RPRD2: variants seen among roughly 807,000 people sequenced by gnomAD.
RPRD2 encodes the protein regulation of nuclear pre-mRNA domain-containing protein 2.
A neutral mutation model predicts 104.4 loss-of-function variants in RPRD2; 12 were observed. The observed-to-expected ratio is 0.11, with a 90% CI of 0.07 to 0.19. The LOEUF (loss-of-function observed/expected upper bound fraction) is 0.19. Among genes scored for constraint, RPRD2 ranks in the 10% least tolerant of loss-of-function variants. The pLI is 1.00. For synonymous variants in RPRD2, 714 were observed against 684.9 expected (o/e 1.04, Z -0.66); for missense variants, 1,543 against 1,790.1 (o/e 0.86, Z 2.49).
At chr1:150,462,651 G>C (rs1290183692) in intron 9 of RPRD2, among the ~76,000 whole-genome samples, 1 of 152,006 alleles carries the variant, frequency 6.6e-6, no homozygotes, top group Non-Finnish European at 1.5e-5. Flanking sequence ...CCGCCTCCCA[G>C]GTCACGCCAT....
In RPRD2 at chr1:150,472,859, T is replaced by C. The variant is rs1413578867; in HGVS notation, c.3911T>C (p.Val1304Ala). 1 of 1,612,502 alleles carries C rather than the reference T, an allele frequency of 6.2e-7. No individual in the cohort carries two copies. The highest frequency in any genetic ancestry group is 1.7e-5 in the Admixed American group (1 of 59,734). Reference sequence around the variant, plus strand: ...CCACCCCCTGTTGACCACTCTGGAGTTGTACCCTTCCCAGCCCCACCACTG... The same window carrying C: ...CCACCCCCTGTTGACCACTCTGGAGCTGTACCCTTCCCAGCCCCACCACTG... ...PPPPPVDHSG[V>A]VPFPAPPLAE... The change falls in exon 11 of 11, where the codon GTT (valine) becomes GCT (alanine). Residue 1304 changes from valine to alanine, a missense_variant. Around this residue, in one of 4 missense-constraint regions of RPRD2, gnomAD observed 880 missense variants for 885.6 expected, o/e 0.99. Coordinates refer to ENST00000369068, the MANE Select transcript of RPRD2 (RefSeq NM_015203.5).
At chr1:150,375,252 T>G (rs370545947) in intron 1 of RPRD2, among the ~76,000 whole-genome samples, 13 of 152,222 alleles carry the variant, frequency 8.5e-5, no homozygotes, top group African/African-American at 3.1e-4. Flanking sequence ...TAGGTGGGTT[T>G]GAAGCAATAT....
intron 1 of RPRD2, among the ~76,000 whole-genome samples, chr1:150,368,526 C>T (rs1007446626): frequency 3.4e-5 from 5 of 146,008 alleles, no homozygotes; most frequent in African/African-American, 7.7e-5. Context: ...TATAATGGCA[C>T]GATCTCAGCT....
chr1:150,402,149 G>A (rs371605922), intron 1 of RPRD2, among the ~76,000 whole-genome samples: 2 of 151,894 alleles, frequency 1.3e-5, no homozygotes, highest in African/African-American at 2.4e-5. Context: ...TAGTAGAGAC[G>A]GGGTTTCACC....
chr1:150,388,709 C>T (rs1033908726), intron 1 of RPRD2, among the ~76,000 whole-genome samples: 4 of 150,762 alleles, frequency 2.7e-5, no homozygotes, highest in East Asian at 2.0e-4. Flanking sequence ...TGGGTTCAAG[C>T]GATTCTTGTG....
At chr1:150,464,490 G>C (rs1553899461) in intron 9 of RPRD2, 37 bp from the exon 10 acceptor site, 1 of 1,513,638 alleles carries the variant, frequency 6.6e-7, no homozygotes, top group Admixed American at 2.0e-5. Flanking sequence ...AAGTCATTTT[G>C]AATTGCATTT....
chr1:150,413,083 T>C (rs1664061368), intron 1 of RPRD2, among the ~76,000 whole-genome samples: 1 of 152,066 alleles, frequency 6.6e-6, no homozygotes, highest in Non-Finnish European at 1.5e-5. Flanking sequence ...ACTAGGAACC[T>C]GTTGCAGGGG....
At chr1:150,437,290 G>A (rs1666071346) in intron 2 of RPRD2, among the ~76,000 whole-genome samples, 1 of 152,050 alleles carries the variant, frequency 6.6e-6, no homozygotes, top group Admixed American at 6.6e-5. Flanking sequence ...GAGGTCAAGA[G>A]ATCGAGACCA....
intron 2 of RPRD2, among the ~76,000 whole-genome samples, chr1:150,433,936 C>CAT (rs1415079217): frequency 2.8e-5 from 4 of 145,076 alleles, no homozygotes; most frequent in Non-Finnish European, 4.6e-5. Flanking sequence ...CACACACACA[C>CAT]ACACAGAGGC....
intron 1 of RPRD2, among the ~76,000 whole-genome samples, chr1:150,366,115 G>A (rs1659824917): frequency 6.6e-6 from 1 of 152,218 alleles, no homozygotes; most frequent in East Asian, 1.9e-4. Context: ...ATAGGAGGAA[G>A]TGTGGAGAAG....
At chr1:150,411,136 G>A (rs1663861646) in intron 1 of RPRD2, among the ~76,000 whole-genome samples, 1 of 152,080 alleles carries the variant, frequency 6.6e-6, no homozygotes, top group Non-Finnish European at 1.5e-5. Flanking sequence ...TCTTTAAACA[G>A]TCCCTGGCAT....
chr1:150,379,591 G>A (rs1053307246), intron 1 of RPRD2, among the ~76,000 whole-genome samples: 1 of 152,014 alleles, frequency 6.6e-6, no homozygotes, highest in South Asian at 2.1e-4. Flanking sequence ...TAGTAGAGAC[G>A]GGGTTTCTCC....
intron 1 of RPRD2, among the ~76,000 whole-genome samples, chr1:150,410,090 G>A (rs1305611581): frequency 6.6e-6 from 1 of 152,196 alleles, no homozygotes; most frequent in African/African-American, 2.4e-5. Flanking sequence ...AGACCGTGAA[G>A]CAAGGACTCA....
chr1:150,364,185 A>G lies in RPRD2; in HGVS notation c.-530A>G, dbSNP rs148204625. On this transcript the variant is annotated 5_prime_UTR_variant, in exon 1 of 11. Transcript: ENST00000369068. Reference sequence around the variant, plus strand: ...CTTTGCTGCTATTGCGTTGCAAAAAAAATCCTGACTAGGTAGCCTTGGACC... The same window carrying G: ...CTTTGCTGCTATTGCGTTGCAAAAAGAATCCTGACTAGGTAGCCTTGGACC... Among the ~76,000 whole-genome samples, 1 of 152,316 alleles carries G rather than the reference A, an allele frequency of 6.6e-6. No individual in the cohort carries two copies. Among genetic ancestry groups the G allele is most frequent in the East Asian group, 1.9e-4 (1 of 5,176 alleles).
chr1:150,388,320 G>T (rs1001125812), intron 1 of RPRD2, among the ~76,000 whole-genome samples: 1 of 144,792 alleles, frequency 6.9e-6, no homozygotes, highest in Non-Finnish European at 1.6e-5. Flanking sequence ...GTGTATATAT[G>T]TATGTGTATA....
chr1:150,473,366 CTA>C lies in RPRD2; in HGVS notation c.*33_*34del. 1 of 1,524,500 alleles carries C rather than the reference CTA, an allele frequency of 6.6e-7. No individual in the cohort carries two copies. Among genetic ancestry groups the C allele is most frequent in the Non-Finnish European group, 8.8e-7 (1 of 1,135,690 alleles). The allele number at this position is 1,524,500 out of a possible 1,614,324, so 94.4% of individuals were successfully genotyped here. A position where few individuals can be genotyped will look rare whatever the true frequency, so the allele number is the denominator to read the frequency against. On this transcript the variant is annotated 3_prime_UTR_variant, in exon 11 of 11. Transcript: ENST00000369068. ...CCAAGGGAAAGGCATTTTGAACAGT[CTA>C]GAGAACATTGGAAGTAGGAGTTTGG...
intron 1 of RPRD2, among the ~76,000 whole-genome samples, chr1:150,388,479 CTA>C (rs151138923): frequency 1.1e-4 from 14 of 128,134 alleles, no homozygotes; most frequent in East Asian, 4.4e-4. Flanking sequence ...TACACATACA[CTA>C]TATATATATA....
chr1:150,459,936 CGTT>C (rs1389306254), intron 8 of RPRD2, 121 bp from the exon 9 acceptor site: 14 of 774,714 alleles, frequency 1.8e-5, no homozygotes, highest in East Asian at 2.6e-5. Flanking sequence ...TGAAGTGAGT[CGTT>C]GTTTTCTCTA....
intron 10 of RPRD2, among the ~76,000 whole-genome samples, chr1:150,469,651 C>A (rs1668485540): frequency 6.6e-6 from 1 of 152,094 alleles, no homozygotes; most frequent in African/African-American, 2.4e-5. Context: ...CTTCTGTTAT[C>A]TTTTTGTCAA....
Sources: gnomAD v4.1 joint callset for allele counts (sites outside exome capture counted in the v4.1 genomes callset) on GRCh38, gnomAD v4.1.1 for gene constraint, gnomAD v4.1.1 regional missense constraint, MANE v1.5 for transcripts, NCBI Gene and HGNC (gene_info 2026-07-23, HGNC 2026-07-21) for gene names.